Variants in PTPN11 observed in about 807,000 individuals in gnomAD.
PTPN11 encodes the protein tyrosine-protein phosphatase non-receptor type 11.
In PTPN11, 6 loss-of-function variants were observed where a neutral mutation model predicts 78.8. The observed-to-expected ratio is 0.08, with a 90% CI of 0.04 to 0.15. PTPN11 has a LOEUF of 0.15. Ranked by LOEUF, PTPN11 falls within the 10% of genes least tolerant of loss-of-function variation. The pLI is 1.00. For synonymous variants in PTPN11, 221 were observed against 263.5 expected, an observed-to-expected ratio of 0.84 and a Z score of 1.56; for missense variants, 386 against 744.8, an observed-to-expected ratio of 0.52 and a Z score of 5.61.
chr12:112,454,386 C>T (rs549480113), intron 4 of PTPN11, among the ~76,000 whole-genome samples, 178 bp from the exon 5 acceptor site: 2 of 152,220 alleles, frequency 1.3e-5, no homozygotes, highest in Admixed American at 1.3e-4. Context: ...TCCCAAAGTG[C>T]TGGAATTACT....
intron 1 of PTPN11, among the ~76,000 whole-genome samples, chr12:112,432,893 C>T (rs190033809): frequency 1.3e-5 from 2 of 151,048 alleles, no homozygotes; most frequent in Non-Finnish European, 2.9e-5. Context: ...TGGAGTCTTG[C>T]TGTGTCACCC....
intron 1 of PTPN11, among the ~76,000 whole-genome samples, chr12:112,441,015 G>GTTT (rs2037881176): frequency 6.8e-6 from 1 of 146,596 alleles, no homozygotes; most frequent in African/African-American, 2.5e-5. Flanking sequence ...CCAGGCTAGA[G>GTTT]TGCAGTGGTG....
intron 1 of PTPN11, 100 bp downstream of exon 1, chr12:112,419,225 C>G: frequency 8.0e-7 from 1 of 1,253,212 alleles, no homozygotes; most frequent in Non-Finnish European, 1.0e-6. Context: ...GCTTCGGGCT[C>G]CCGCCCCGGG....
Position 112,454,101 on chromosome 12 carries a change from G to A in PTPN11, c.526-463G>A, listed in dbSNP as rs188596805. On this transcript the variant is annotated intron_variant, in intron 4 of 15. Transcript: ENST00000351677. Reference sequence around the variant, plus strand: ...TATATTGAGTATATTTACACTTTTAGTATATTTGTATACACACACCACATT... The same window carrying A: ...TATATTGAGTATATTTACACTTTTAATATATTTGTATACACACACCACATT... 3.3e-5 allele frequency among the ~76,000 whole-genome samples: 5 copies of A among 151,776 alleles called. No individual in the cohort carries two copies. In the East Asian group the frequency reaches 9.7e-4, roughly 29 times the overall value.
intron 1 of PTPN11, among the ~76,000 whole-genome samples, chr12:112,443,953 C>A (rs1437152834): frequency 6.6e-6 from 1 of 151,812 alleles, no homozygotes; most frequent in Admixed American, 6.6e-5. Context: ...TGCGCCTGGC[C>A]CTAATTTTTG....
intron 8 of PTPN11, 55 bp from the exon 9 acceptor site, chr12:112,477,802 C>T: frequency 6.2e-7 from 1 of 1,607,662 alleles, no homozygotes; most frequent in Middle Eastern, 1.7e-4. Flanking sequence ...AATCCTTCCT[C>T]ATGTCCTGAA....
intron 5 of PTPN11, 87 bp from the exon 6 acceptor site, chr12:112,455,863 A>G: frequency 1.2e-6 from 1 of 838,670 alleles, no homozygotes; most frequent in Non-Finnish European, 2.0e-6. Flanking sequence ...GAATATCAAC[A>G]TAGACATGTT....
At chr12:112,478,138 G>C in intron 9 of PTPN11, 123 bp downstream of exon 9, 1 of 1,141,118 alleles carries the variant, frequency 8.8e-7, no homozygotes, top group Non-Finnish European at 1.3e-6. Context: ...TGGAAAAAAG[G>C]GACTAGGAGA....
intron 13 of PTPN11, 42 bp from the exon 14 acceptor site, chr12:112,502,102 A>G: frequency 6.7e-7 from 1 of 1,496,858 alleles, no homozygotes; most frequent in Non-Finnish European, 9.3e-7. Flanking sequence ...ATCCCCTTAA[A>G]ATAACCATTG....
chr12:112,477,486 A>C (rs2038522236), intron 7 of PTPN11, among the ~76,000 whole-genome samples, 165 bp from the exon 8 acceptor site: 1 of 152,222 alleles, frequency 6.6e-6, no homozygotes, highest in Admixed American at 6.5e-5. Context: ...GACATCAGGC[A>C]GTGTTCACGT....
chr12:112,485,801 A>G (rs1437057118), intron 10 of PTPN11, among the ~76,000 whole-genome samples: 2 of 152,080 alleles, frequency 1.3e-5, no homozygotes, highest in Non-Finnish European at 2.9e-5. Flanking sequence ...ATATGGCGAA[A>G]GAAACCCCAT....
chr12:112,419,255 CCCT>C (rs1468849632), intron 1 of PTPN11, 130 bp downstream of exon 1: 11 of 911,132 alleles, frequency 1.2e-5, no homozygotes, highest in Non-Finnish European at 1.5e-6. Flanking sequence ...GGGGCCGGTT[CCCT>C]CCTCGTCCCC....
At chr12:112,430,046 A>G (rs1282068782) in intron 1 of PTPN11, among the ~76,000 whole-genome samples, 1 of 151,894 alleles carries the variant, frequency 6.6e-6, no homozygotes, top group Non-Finnish European at 1.5e-5. Flanking sequence ...TTTGAGACAG[A>G]GTCTTGCTCT....
intron 10 of PTPN11, among the ~76,000 whole-genome samples, chr12:112,484,428 A>T (rs1227824363): frequency 6.6e-6 from 1 of 152,142 alleles, no homozygotes; most frequent in Admixed American, 6.5e-5. Context: ...AGGTCAAGGA[A>T]TGGAGGCACA....
intron 1 of PTPN11, among the ~76,000 whole-genome samples, chr12:112,430,946 G>T (rs2037703836): frequency 6.6e-6 from 1 of 152,198 alleles, no homozygotes; most frequent in Non-Finnish European, 1.5e-5. Flanking sequence ...ATCCTTGTCA[G>T]TACCACCGAT....
At chr12:112,440,980 T>G (rs2037879862) in intron 1 of PTPN11, among the ~76,000 whole-genome samples, 1 of 151,280 alleles carries the variant, frequency 6.6e-6, no homozygotes, top group Non-Finnish European at 1.5e-5. Flanking sequence ...TTTTTTTTTT[T>G]TGAGATGGAG....
intron 1 of PTPN11, among the ~76,000 whole-genome samples, chr12:112,434,787 GGTTT>G (rs1392322555): frequency 1.3e-5 from 2 of 151,972 alleles, no homozygotes; most frequent in African/African-American, 2.4e-5. Flanking sequence ...CAAGGTTGTG[GGTTT>G]GTTTGTTTTT....
intron 1 of PTPN11, among the ~76,000 whole-genome samples, chr12:112,420,121 A>G (rs978181569): frequency 6.6e-6 from 1 of 152,262 alleles, no homozygotes; most frequent in Admixed American, 6.5e-5. Context: ...TTATTTTGTA[A>G]CTATTGCTAA....
chr12:112,494,920 C>T (rs562039752), intron 13 of PTPN11, among the ~76,000 whole-genome samples: 86 of 152,236 alleles, frequency 5.6e-4, no homozygotes, highest in Non-Finnish European at 7.5e-4. Flanking sequence ...ATATTGCCCA[C>T]GTGTAGGCTA....
Sources: allele counts gnomAD v4.1 joint callset (sites outside exome capture counted in the v4.1 genomes callset), GRCh38; gene constraint gnomAD v4.1.1; transcripts MANE v1.5; gene names NCBI Gene and HGNC (gene_info 2026-07-23, HGNC 2026-07-21).